Variants in ZNF695 observed in about 807,000 individuals in gnomAD.
ZNF695 encodes zinc finger protein SBZF3.
Under a neutral mutation model 11.2 loss-of-function variants are expected in ZNF695, and 11 were observed. The observed-to-expected ratio is 0.98, with a 90% confidence interval of 0.62 to 1.62. The LOEUF (loss-of-function observed/expected upper bound fraction) is 1.62. Among genes scored for constraint, ZNF695 ranks in the 40% most tolerant of loss-of-function variants. The pLI, the probability that ZNF695 is intolerant of heterozygous loss-of-function variation, is 0.00. For synonymous variants in ZNF695, 190 were observed against 201.4 expected (o/e 0.94, Z 0.48); for missense variants, 559 against 590.5 (o/e 0.95, Z 0.55).
intron 3 of ZNF695, among the ~76,000 whole-genome samples, chr1:246,989,798 G>A (rs555536117): frequency 1.3e-4 from 20 of 152,210 alleles, no homozygotes; most frequent in East Asian, 1.2e-3. Flanking sequence ...CGAGCAGATC[G>A]TTTGGGCTTA....
At position 246,998,407 on chromosome 1, in the gene ZNF695, C is replaced by T. The variant is rs536885733; in HGVS notation, c.259+941G>A. On this transcript the variant is annotated intron_variant, in intron 3 of 3. Transcript: ENST00000339986. ...ATATAACAGCTGAGAAATTTAGGCACGTAGGGTTCAAATTACAAATCTCAG... is the reference window on the plus strand; with the variant it reads ...ATATAACAGCTGAGAAATTTAGGCATGTAGGGTTCAAATTACAAATCTCAG... Among the ~76,000 whole-genome samples the T allele has an allele frequency of 3.0e-4, 46 of 152,120 alleles. 1 individual carries two copies. The highest frequency in any genetic ancestry group is 5.6e-4 in the Non-Finnish European group (38 of 68,004).
intron 5 of ZNF695, among the ~76,000 whole-genome samples, chr1:246,947,134 C>T (rs575619143): frequency 2.3e-5 from 2 of 86,412 alleles, no homozygotes; most frequent in Admixed American, 1.3e-4. Context: ...AGCGAGACTC[C>T]GTCAAAAAAA....
downstream of ZNF695, among the ~76,000 whole-genome samples, chr1:246,984,189 G>T: frequency 7.4e-6 from 1 of 134,712 alleles, no homozygotes; most frequent in South Asian, 2.5e-4. Flanking sequence ...AAAAGAGAAA[G>T]TCCAAATTTC....
At chr1:246,959,303 AAAAAAAAATATATATATATATATATATAT>A (rs1668093987) in intron 5 of ZNF695, among the ~76,000 whole-genome samples, 1 of 69,348 alleles carries the variant, frequency 1.4e-5, no homozygotes. Context: ...AAAAAAAAAA[AAAAAAAAATATATATATATATATATATAT>A]ATATATATAT....
At chr1:246,947,195 T>TG (rs1268367255) in intron 5 of ZNF695, among the ~76,000 whole-genome samples, 10 of 113,254 alleles carry the variant, frequency 8.8e-5, no homozygotes, top group South Asian at 2.6e-4. Flanking sequence ...TTTATTTTTT[T>TG]TGGGGGGGTG....
intron 5 of ZNF695, among the ~76,000 whole-genome samples, chr1:246,965,105 C>T (rs1198304895): frequency 1.3e-5 from 2 of 151,572 alleles, no homozygotes; most frequent in Non-Finnish European, 2.9e-5. Context: ...CGGTGGTTCA[C>T]GCCTGTAATC....
rs146965408 is a variant in ZNF695 at position 246,986,666 on chromosome 1, G to A, written c.*301C>T. On this transcript the variant is annotated 3_prime_UTR_variant, in exon 4 of 4. Transcript: ENST00000339986. ...GTTTCTGCATTTATTACATTTGTAG[G>A]GTTTCTCTCCAATACAAAGTCTTTG... 269 of 1,086,124 alleles carry A rather than the reference G, an allele frequency of 2.5e-4. No homozygotes were observed. The Middle Eastern group carries it at 2.9e-3, about 12-fold the overall frequency. 67.3% of individuals were successfully genotyped at this position (1,086,124 alleles called of 1,614,324 possible). A position where few individuals can be genotyped will look rare whatever the true frequency, so the allele number is the denominator to read the frequency against.
Position 246,999,886 on chromosome 1 carries a change from A to G in ZNF695, c.166+26T>C, listed in dbSNP as rs376624285. The stretch of plus-strand genomic sequence containing the variant: ...ATCAGAAACTCCCAGAAAACATTCT[A>G]CAAAGGAAAAAGATGAAATCCTTAC... On this transcript the variant is annotated intron_variant, in intron 2 of 3. Transcript: ENST00000339986. The G allele has an allele frequency of 1.9e-4, 305 of 1,610,772 alleles. No individual in the cohort carries two copies. The African/African-American group carries it at 3.7e-3, about 20-fold the overall frequency.
chr1:247,007,244 G>A (rs959382701), intron 1 of ZNF695, among the ~76,000 whole-genome samples: 10 of 151,942 alleles, frequency 6.6e-5, no homozygotes, highest in African/African-American at 2.4e-4. Flanking sequence ...GGTGGCTCAC[G>A]CCTGTAATCC....
chr1:246,946,863 T>C (rs1667746056), intron 5 of ZNF695, among the ~76,000 whole-genome samples: 1 of 152,180 alleles, frequency 6.6e-6, no homozygotes, highest in Non-Finnish European at 1.5e-5. Flanking sequence ...AAGAGTAGGC[T>C]GTGCGCGGTG....
At chr1:246,947,017 G>A (rs1667751044) in intron 5 of ZNF695, among the ~76,000 whole-genome samples, 1 of 151,784 alleles carries the variant, frequency 6.6e-6, no homozygotes, top group Non-Finnish European at 1.5e-5. Flanking sequence ...GCGGGCGCCT[G>A]TAGTTCCAGC....
At chr1:246,972,010 G>T (rs1668440940) in intron 4 of ZNF695, among the ~76,000 whole-genome samples, 1 of 152,180 alleles carries the variant, frequency 6.6e-6, no homozygotes, top group Non-Finnish European at 1.5e-5. Flanking sequence ...TGCTGGGATT[G>T]CCTCAGCTCC....
chr1:246,987,862 C>A lies in ZNF695; in HGVS notation c.653G>T (p.Gly218Val), dbSNP rs762104527. The change falls in exon 4 of 4, where the codon GGC becomes GTC. Residue 218 changes from glycine to valine, a missense_variant. Coordinates refer to ENST00000339986, the MANE Select transcript of ZNF695 (RefSeq NM_020394.5). ...GCATGAGCACTCATTAAAGGCTTTG[C>A]CACATTTTTTACATTGGTACGGGTT... ...GENPYQCKKC[G>V]KAFNECSCFT... The A allele has an allele frequency of 2.5e-6, 4 of 1,609,130 alleles. 1 individual carries two copies. The Admixed American group carries it at 6.8e-5, about 27-fold the overall frequency.
At chr1:247,006,021 C>G (rs764962284) in intron 1 of ZNF695, among the ~76,000 whole-genome samples, 1 of 151,488 alleles carries the variant, frequency 6.6e-6, no homozygotes, top group East Asian at 2.0e-4. Flanking sequence ...GTCAGGAGAT[C>G]GAGATCATCC....
rs1258101256 is a variant in ZNF695 at position 246,967,663 on chromosome 1, AT to A, written c.488+31del. 7.1e-5 allele frequency: 25 copies of A among 354,376 alleles called. No homozygotes were observed. The East Asian group carries it at 1.8e-3, about 25-fold the overall frequency. The allele number at this position is 354,376 out of a possible 1,614,324, so 22.0% of individuals were successfully genotyped here. On this transcript the variant is annotated intron_variant, in intron 5 of 5. Coordinates refer to the ZNF695 transcript ENST00000487338. ...ATAAAGAACCACCTGAGACTGGGTA[AT>A]TTATAAAGAAAAGAGATTTAATCAA...
chr1:246,964,888 A>C (rs1371132831), intron 5 of ZNF695, among the ~76,000 whole-genome samples: 1 of 152,146 alleles, frequency 6.6e-6, no homozygotes, highest in Non-Finnish European at 1.5e-5. Flanking sequence ...AAAAAATTTA[A>C]TAAAAAATAA....
chr1:246,998,030 G>A (rs1351148535), intron 3 of ZNF695, among the ~76,000 whole-genome samples: 1 of 152,198 alleles, frequency 6.6e-6, no homozygotes, highest in African/African-American at 2.4e-5. Context: ...TAACACAGCA[G>A]ACAAGTGTTT....
At chr1:246,974,953 C>T (rs1388741173) in intron 4 of ZNF695, among the ~76,000 whole-genome samples, 1 of 152,186 alleles carries the variant, frequency 6.6e-6, no homozygotes, top group Non-Finnish European at 1.5e-5. Flanking sequence ...CTTTGTATGG[C>T]TGACTCCTTT....
intron 5 of ZNF695, among the ~76,000 whole-genome samples, chr1:246,949,487 G>T (rs1024765953): frequency 6.6e-6 from 1 of 152,134 alleles, no homozygotes; most frequent in Non-Finnish European, 1.5e-5. Context: ...GCTACTTGGG[G>T]GGCTGAGGCA....
Sources: allele counts gnomAD v4.1 joint callset (sites outside exome capture counted in the v4.1 genomes callset), GRCh38; gene constraint gnomAD v4.1.1; transcripts MANE v1.5; gene names NCBI Gene and HGNC (gene_info 2026-07-23, HGNC 2026-07-21).